ZFYVE26: variants seen among roughly 807,000 people sequenced by gnomAD.
ZFYVE26 encodes the protein zinc finger FYVE-type containing 26, also known as zinc finger FYVE domain-containing protein 26.
ZFYVE26 carries 181 observed loss-of-function variants against 276.5 expected under a neutral mutation model. The observed-to-expected ratio is 0.65, with a 90% CI of 0.58 to 0.74. The LOEUF (loss-of-function observed/expected upper bound fraction) is 0.74, where lower values mean the gene tolerates loss of function less well. Among genes scored for constraint, ZFYVE26 ranks in the 30% least tolerant of loss-of-function variants. The probability of loss-of-function intolerance (pLI) is 0.00; values close to 1 mark genes in which losing one functional copy is unlikely to be tolerated. For missense variants in ZFYVE26, 2,821 were observed against 3,097.9 expected (o/e 0.91, Z 2.12); for synonymous variants, 1,129 against 1,203.1 (o/e 0.94, Z 1.27).
At chr14:67,762,488 C>T (rs2140194437) in intron 33 of ZFYVE26, 76 bp from the exon 34 acceptor site, 1 of 1,546,688 alleles carries the variant, frequency 6.5e-7, no homozygotes, top group East Asian at 2.3e-5. Context: ...TATTCTATTC[C>T]CAAGTTGCCA....
chr14:67,729,336 C>T (rs1289952536), exon 14 of ZFYVE26: 4 of 1,599,000 alleles, frequency 2.5e-6, no homozygotes, highest in Non-Finnish European at 3.4e-6. Flanking sequence ...GCCTGCACTG[C>T]GCCCTGGCTG....
rs559216920 is a variant in ZFYVE26 at position 67,739,236 on chromosome 14, C to T, written n.2680-9417G>A. Among the ~76,000 whole-genome samples the T allele has an allele frequency of 5.3e-5, 8 of 152,296 alleles. No individual in the cohort carries two copies. In the South Asian group the frequency reaches 1.5e-3, roughly 28 times the overall value. On this transcript the variant is annotated intron_variant and non_coding_transcript_variant, in intron 13 of 14. Coordinates refer to the ZFYVE26 transcript ENST00000394455. ...TCATGGCTAAACATGACACCTGAAT[C>T]TGCCACAATCATCTTGAGACCATGA...
In ZFYVE26 at chr14:67,762,655, C is replaced by T. The variant is rs763176652; in HGVS notation, c.6159+17G>A. 3 of 1,612,436 alleles carry T rather than the reference C, an allele frequency of 1.9e-6. No homozygotes were observed. Among genetic ancestry groups the T allele is most frequent in the Admixed American group, 3.3e-5 (2 of 60,012 alleles). ...ACAGTGGGGTGGAAGTAAGCTTTGT[C>T]TTTGTCTTTGTCTCACCTCAACGCC... On this transcript the variant is annotated intron_variant, in intron 33 of 41. Transcript: ENST00000347230.
chr14:67,776,506 C>G (rs2039347771), intron 25 of ZFYVE26, among the ~76,000 whole-genome samples: 1 of 152,186 alleles, frequency 6.6e-6, no homozygotes, highest in Non-Finnish European at 1.5e-5. Context: ...GGATTTGGCC[C>G]ACAGGTGGTA....
At chr14:67,814,128 T>A in intron 2 of ZFYVE26, 64 bp from the exon 3 acceptor site, 2 of 1,357,880 alleles carry the variant, frequency 1.5e-6, no homozygotes, top group Non-Finnish European at 2.1e-6. Context: ...TCTTTTGTCA[T>A]CCAAGACAGA....
chr14:67,762,439 G>A lies in ZFYVE26; in HGVS notation c.6160-27C>T, dbSNP rs762203796. 4.3e-5 allele frequency: 69 copies of A among 1,603,622 alleles called. No homozygotes were observed. The African/African-American group carries it at 6.8e-4, about 16-fold the overall frequency. ...TGGGAGAAAAATTGCCCCTTTTAGT[G>A]AGTGGTAGCTACATTCAGGCCTAAA... On this transcript the variant is annotated intron_variant, in intron 33 of 41. Transcript: ENST00000347230.
At chr14:67,750,062 G>C (rs1057220960) in intron 41 of ZFYVE26, among the ~76,000 whole-genome samples, 16 of 152,204 alleles carry the variant, frequency 1.1e-4, no homozygotes, top group Admixed American at 2.6e-4. Flanking sequence ...TGCTGAGTGG[G>C]AGGCTCAGTG....
At chr14:67,804,339 C>T (rs2040135751) in intron 8 of ZFYVE26, 75 bp from the exon 9 acceptor site, 1 of 1,545,866 alleles carries the variant, frequency 6.5e-7, no homozygotes, top group Non-Finnish European at 8.9e-7. Context: ...TCTCCATTCC[C>T]TCTTGTTCTT....
Position 67,775,891 on chromosome 14 carries a change from G to A in ZFYVE26, c.5190C>T (p.Asp1730=). ...GTTTCTCCCTCTGAGGGTATGGAAA[G>A]TCCAGGGCTTTCTCTGCGTATCTGG... ...LLSRYAEKAL[D]FPYPQREKRS... Residue 1730 remains aspartate, a synonymous_variant, in exon 26 of 42, where the codon GAC becomes GAT. Coordinates refer to ENST00000347230, the MANE Select transcript of ZFYVE26 (RefSeq NM_015346.4). 6.2e-7 allele frequency: 1 copy of A among 1,614,224 alleles called. No individual in the cohort carries two copies. Among genetic ancestry groups the A allele is most frequent in the Non-Finnish European group, 8.5e-7 (1 of 1,180,028 alleles).
At chr14:67,745,929 CAAAAAAAAAAAAAAAAAAAAAA>C (rs61448179), downstream of ZFYVE26, among the ~76,000 whole-genome samples, 3 of 57,524 alleles carry the variant, frequency 5.2e-5, no homozygotes, top group Admixed American at 2.6e-4. Flanking sequence ...GACCCTGTCT[CAAAAAAAAAAAAAAAAAAAAAA>C]AAAAAAAAAA....
intron 3 of ZFYVE26, among the ~76,000 whole-genome samples, chr14:67,809,744 C>T (rs1490218502): frequency 6.8e-6 from 1 of 147,234 alleles, no homozygotes; most frequent in Non-Finnish European, 1.5e-5. Context: ...CTTTTAAACA[C>T]AACATTCCTG....
chr14:67,757,176 C>T (rs1020022741), intron 35 of ZFYVE26, among the ~76,000 whole-genome samples: 1 of 152,232 alleles, frequency 6.6e-6, no homozygotes, highest in African/African-American at 2.4e-5. Flanking sequence ...ACAGACTCCT[C>T]CCTGGTCTAT....
chr14:67,738,927 C>A (rs550905276), intron 13 of ZFYVE26, among the ~76,000 whole-genome samples: 32 of 152,228 alleles, frequency 2.1e-4, no homozygotes, highest in African/African-American at 7.2e-4. Context: ...TGCCAAAGTC[C>A]AGGCCTCCCC....
chr14:67,784,237 T>G, intron 20 of ZFYVE26, 97 bp downstream of exon 20: 1 of 1,017,692 alleles, frequency 9.8e-7, no homozygotes, highest in East Asian at 2.4e-5. Context: ...ATCCCCACTC[T>G]CTGTGCTAAC....
chr14:67,739,291 A>G (rs2038387367), intron 13 of ZFYVE26, among the ~76,000 whole-genome samples: 1 of 152,180 alleles, frequency 6.6e-6, no homozygotes, highest in Non-Finnish European at 1.5e-5. Context: ...AAACTAGCGC[A>G]CACGCCGAGG....
chr14:67,816,318 A>AGGTG (rs552426277), intron 1 of ZFYVE26, among the ~76,000 whole-genome samples: 444 of 152,342 alleles, frequency 2.9e-3, no homozygotes, highest in African/African-American at 0.01. Context: ...CGTTATGCCC[A>AGGTG]GTCTTGACTC....
chr14:67,797,606 A>G, intron 12 of ZFYVE26, 66 bp downstream of exon 12: 3 of 1,525,710 alleles, frequency 2.0e-6, no homozygotes, highest in Non-Finnish European at 2.7e-6. Context: ...GCTGTTTCTT[A>G]AAGAGTATTA....
At chr14:67,767,643 T>C (rs745788033) in intron 31 of ZFYVE26, 61 bp downstream of exon 31, 48 of 1,612,038 alleles carry the variant, frequency 3.0e-5, no homozygotes, top group Non-Finnish European at 3.8e-5. Context: ...TCTGTATTTC[T>C]TGTCATACTG....
At chr14:67,809,117 A>G in intron 4 of ZFYVE26, 83 bp downstream of exon 4, 4 of 1,152,498 alleles carry the variant, frequency 3.5e-6, no homozygotes, top group Non-Finnish European at 3.9e-6. Context: ...CATCTTGGAG[A>G]CCTCTCTCTT....
Sources: allele counts gnomAD v4.1 joint callset (sites outside exome capture counted in the v4.1 genomes callset), GRCh38; gene constraint gnomAD v4.1.1; transcripts MANE v1.5; gene names NCBI Gene and HGNC (gene_info 2026-07-23, HGNC 2026-07-21).